CPAMD8: variants seen among roughly 807,000 people sequenced by gnomAD.
The protein encoded by CPAMD8 is C3 and PZP-like alpha-2-macroglobulin domain-containing protein 8.
In CPAMD8, 146 loss-of-function variants were observed where a neutral mutation model predicts 224.7. That is an observed-to-expected ratio of 0.65 (90% CI 0.57 to 0.75). The LOEUF is 0.75. CPAMD8 is among the 30% of genes least tolerant of loss of function. The probability of loss-of-function intolerance (pLI) is 0.00; values close to 1 mark genes in which losing one functional copy is unlikely to be tolerated. For missense variants in CPAMD8, 2,301 were observed against 2,537.5 expected (o/e 0.91, Z 2.00); for synonymous variants, 966 against 1,044.6 (o/e 0.92, Z 1.45).
intron 18 of CPAMD8, among the ~76,000 whole-genome samples, chr19:16,960,185 C>A (rs979299896): frequency 1.3e-5 from 2 of 151,478 alleles, no homozygotes; most frequent in Non-Finnish European, 2.9e-5. Context: ...GTTCACCCTC[C>A]TCAAAGGCTG....
At chr19:16,950,793 G>GA (rs757775739) in intron 20 of CPAMD8, among the ~76,000 whole-genome samples, 2,723 of 45,526 alleles carry the variant, frequency 0.06, 176 homozygotes, top group African/African-American at 0.15. Context: ...ACCCTGTCTC[G>GA]AAAAAAAAAA....
intron 18 of CPAMD8, among the ~76,000 whole-genome samples, chr19:16,968,376 G>C (rs1051267285): frequency 6.6e-6 from 1 of 152,154 alleles, no homozygotes; most frequent in African/African-American, 2.4e-5. Flanking sequence ...AGACGGAGGG[G>C]CACAAGAAGG....
At chr19:17,024,994 C>T (rs1039978186) in intron 1 of CPAMD8, among the ~76,000 whole-genome samples, 4 of 152,224 alleles carry the variant, frequency 2.6e-5, no homozygotes, top group Non-Finnish European at 5.9e-5. Flanking sequence ...AATCCCAGGT[C>T]GGTCATTTGG....
At chr19:16,914,534 A>G in intron 28 of CPAMD8, 36 bp from the exon 29 acceptor site, 3 of 1,612,128 alleles carry the variant, frequency 1.9e-6, no homozygotes, top group Non-Finnish European at 2.5e-6. Flanking sequence ...CCTAAGCCAA[A>G]GGAGACAGTC....
chr19:16,938,612 G>A (rs969870282), intron 22 of CPAMD8, among the ~76,000 whole-genome samples, 166 bp from the exon 23 acceptor site: 4 of 152,126 alleles, frequency 2.6e-5, no homozygotes, highest in South Asian at 2.1e-4. Flanking sequence ...TCACAGGTGC[G>A]TGGAGCAGGA....
intron 17 of CPAMD8, among the ~76,000 whole-genome samples, chr19:16,974,881 G>T (rs1268181046): frequency 6.6e-6 from 1 of 152,096 alleles, no homozygotes; most frequent in Non-Finnish European, 1.5e-5. Context: ...AGACTGAGGT[G>T]GGAGGATCAC....
At chr19:16,945,152 C>T (rs973573236) in intron 22 of CPAMD8, among the ~76,000 whole-genome samples, 3 of 152,170 alleles carry the variant, frequency 2.0e-5, no homozygotes, top group African/African-American at 7.2e-5. Flanking sequence ...CCTGCCTCTG[C>T]CCCCTGCAGC....
chr19:16,914,950 G>C, intron 27 of CPAMD8, 137 bp from the exon 28 acceptor site: 1 of 647,350 alleles, frequency 1.5e-6, no homozygotes, highest in East Asian at 2.7e-5. Context: ...GGTCCCATCT[G>C]TCCCCACAGG....
chr19:16,900,409 C>T (rs1447398319), intron 36 of CPAMD8, among the ~76,000 whole-genome samples: 1 of 151,088 alleles, frequency 6.6e-6, no homozygotes, highest in Non-Finnish European at 1.5e-5. Context: ...ACCAGCCTGA[C>T]CAACATGGAG....
chr19:17,025,025 GTCTC>G (rs1418913040), intron 1 of CPAMD8, among the ~76,000 whole-genome samples: 1 of 152,234 alleles, frequency 6.6e-6, no homozygotes. Flanking sequence ...TCCCCAGTGT[GTCTC>G]TCAGCACAGG....
chr19:16,990,059 C>T (rs555509928), intron 12 of CPAMD8, among the ~76,000 whole-genome samples: 84 of 152,168 alleles, frequency 5.5e-4, no homozygotes, highest in Admixed American at 1.3e-3. Flanking sequence ...CGAGACCAGC[C>T]TGGCCAACAT....
intron 7 of CPAMD8, among the ~76,000 whole-genome samples, chr19:17,006,832 C>T (rs1194326336): frequency 6.6e-6 from 1 of 152,202 alleles, no homozygotes; most frequent in African/African-American, 2.4e-5. Flanking sequence ...CATTTGCCAT[C>T]TCTGAGTTTT....
intron 12 of CPAMD8, 87 bp downstream of exon 12, chr19:16,993,329 A>T: frequency 9.0e-7 from 1 of 1,116,254 alleles, no homozygotes; most frequent in Non-Finnish European, 1.3e-6. Context: ...CTCCAGGCCC[A>T]CTGATCAGGT....
intron 19 of CPAMD8, among the ~76,000 whole-genome samples, chr19:16,954,854 C>G (rs1406483878): frequency 6.7e-6 from 1 of 150,366 alleles, no homozygotes; most frequent in South Asian, 2.1e-4. Context: ...ATTGGCTGGG[C>G]ACGGTGGCTC....
chr19:16,904,236 G>C lies in CPAMD8; in HGVS notation c.4241C>G (p.Ser1414Cys), dbSNP rs1164577264. 6.2e-7 allele frequency: 1 copy of C among 1,611,934 alleles called. No homozygotes were observed. Among genetic ancestry groups the C allele is most frequent in the Non-Finnish European group, 8.5e-7 (1 of 1,179,524 alleles). ...CCCTGCCCGGCTCGCCTGAGTGGAGGAGAAGCCCCCAAGTGCATTTCGCTG... is the reference window on the plus strand; with the variant it reads ...CCCTGCCCGGCTCGCCTGAGTGGAGCAGAAGCCCCCAAGTGCATTTCGCTG... Reference protein sequence around the residue: ...SQQRNALGGFSSTQDTCVALQ... With the variant: ...SQQRNALGGFCSTQDTCVALQ... The change falls in exon 32 of 42, where the codon TCC becomes TGC. Residue 1414 changes from serine to cysteine, a missense_variant. Transcript: ENST00000443236.
intron 27 of CPAMD8, among the ~76,000 whole-genome samples, chr19:16,919,079 T>C (rs573089193): frequency 2.0e-5 from 3 of 152,090 alleles, no homozygotes; most frequent in East Asian, 3.9e-4. Flanking sequence ...GGCAGGTGCC[T>C]ATAGTCCCAG....
At chr19:16,966,681 AG>A (rs1285795649) in intron 18 of CPAMD8, among the ~76,000 whole-genome samples, 1 of 152,228 alleles carries the variant, frequency 6.6e-6, no homozygotes, top group Admixed American at 6.5e-5. Context: ...AAGTGGGCAA[AG>A]GATATGAACA....
chr19:16,927,594 C>T (rs749858449), intron 25 of CPAMD8, among the ~76,000 whole-genome samples: 1 of 152,106 alleles, frequency 6.6e-6, no homozygotes, highest in East Asian at 1.9e-4. Flanking sequence ...ATCACCAAGA[C>T]CCCCCAGGCC....
intron 35 of CPAMD8, 106 bp from the exon 36 acceptor site, chr19:16,901,403 C>T (rs2052252650): frequency 3.8e-6 from 3 of 795,302 alleles, no homozygotes; most frequent in African/African-American, 1.7e-5. Flanking sequence ...CCCAGGAAGC[C>T]TGCCCTGGGG....
Sources: gnomAD v4.1 joint callset for allele counts (sites outside exome capture counted in the v4.1 genomes callset) on GRCh38, gnomAD v4.1.1 for gene constraint, MANE v1.5 for transcripts, NCBI Gene and HGNC (gene_info 2026-07-23, HGNC 2026-07-21) for gene names.